SORBS2: variants seen among roughly 807,000 people sequenced by gnomAD.
The protein encoded by SORBS2 is sorbin and SH3 domain containing 2.
In SORBS2, 46 loss-of-function variants were observed where a neutral mutation model predicts 97.7. That is an observed-to-expected ratio of 0.47 (90% CI 0.37 to 0.60). The LOEUF is 0.60. SORBS2 is among the 20% of genes least tolerant of loss of function. SORBS2 has a pLI of 0.00. For synonymous variants in SORBS2, 476 were observed against 473.4 expected, an observed-to-expected ratio of 1.01 and a Z score of -0.07; for missense variants, 1,316 against 1,282.3, an observed-to-expected ratio of 1.03 and a Z score of -0.40.
intron 9 of SORBS2, among the ~76,000 whole-genome samples, chr4:185,617,569 T>C (rs750142497): frequency 2.4e-4 from 36 of 152,290 alleles, no homozygotes; most frequent in Non-Finnish European, 4.6e-4. Flanking sequence ...AATAATTTAA[T>C]GACAATTTAC....
chr4:185,623,936 C>T lies in SORBS2; in HGVS notation c.1193G>A (p.Ser398Asn), dbSNP rs764992829. The stretch of plus-strand genomic sequence containing the variant: ...GGGCACCTCCTCCGTGGAGCACTGG[C>T]TCCAGGCGCGCAGCAGGTCCTTGTG... The change falls in exon 7 of 15, where the codon AGC becomes AAC. Residue 398 changes from serine (S) to asparagine (N), a missense_variant. By Grantham distance (46) the Ser-to-Asn change is conservative (BLOSUM62 1). Transcript: ENST00000418609. The surrounding 1 kb of genome is among the most constrained non-coding windows in gnomAD (Gnocchi z 6.4). 1 of 1,614,234 alleles carries T rather than the reference C, an allele frequency of 6.2e-7. No homozygotes were observed.
intron 1 of SORBS2, among the ~76,000 whole-genome samples, chr4:185,885,486 T>G (rs2099238929): frequency 1.3e-5 from 2 of 152,198 alleles, no homozygotes; most frequent in African/African-American, 4.8e-5. Context: ...TCCATACACA[T>G]AGACTCCATT....
intron 1 of SORBS2, among the ~76,000 whole-genome samples, chr4:185,825,815 C>T (rs2153671740): frequency 6.6e-6 from 1 of 152,052 alleles, no homozygotes; most frequent in South Asian, 2.1e-4. Context: ...TTTTTGTTTC[C>T]AGATGTTCTT....
chr4:185,948,420 G>A (rs1015151576), intron 1 of SORBS2, among the ~76,000 whole-genome samples: 2 of 151,198 alleles, frequency 1.3e-5, no homozygotes, highest in African/African-American at 4.9e-5. Context: ...ATCCATTCAA[G>A]CTATGATAAT....
chr4:185,815,283 T>C (rs1423835108), intron 1 of SORBS2, among the ~76,000 whole-genome samples: 1 of 152,232 alleles, frequency 6.6e-6, no homozygotes, highest in Non-Finnish European at 1.5e-5. Flanking sequence ...TTGCCTGTTT[T>C]CTCTATTGAG....
At chr4:185,934,926 G>A (rs1053484632) in intron 1 of SORBS2, among the ~76,000 whole-genome samples, 8 of 152,114 alleles carry the variant, frequency 5.3e-5, no homozygotes, top group Non-Finnish European at 8.8e-5. Flanking sequence ...GAAGATGCTT[G>A]ATCATGGCTC....
intron 1 of SORBS2, among the ~76,000 whole-genome samples, chr4:185,831,543 C>T (rs1450605280): frequency 6.6e-6 from 1 of 152,078 alleles, no homozygotes; most frequent in Non-Finnish European, 1.5e-5. Context: ...TGGATAGGGC[C>T]CTGAGGGGTT....
chr4:185,689,672 G>T (rs2098052438), intron 2 of SORBS2, among the ~76,000 whole-genome samples: 1 of 152,150 alleles, frequency 6.6e-6, no homozygotes, highest in South Asian at 2.1e-4. Flanking sequence ...TGGGGATTAG[G>T]TATTGGTCCT....
intron 1 of SORBS2, among the ~76,000 whole-genome samples, chr4:185,926,478 TA>T (rs1456919947): frequency 6.6e-6 from 1 of 151,716 alleles, no homozygotes; most frequent in African/African-American, 2.4e-5. Flanking sequence ...CACTCATATA[TA>T]AATGATGGGA....
At chr4:185,930,590 T>G (rs1397967085) in intron 1 of SORBS2, among the ~76,000 whole-genome samples, 3 of 152,114 alleles carry the variant, frequency 2.0e-5, no homozygotes. Context: ...GAGCCACTGC[T>G]CCCGGCCCTG....
intron 1 of SORBS2, among the ~76,000 whole-genome samples, chr4:185,787,285 C>G (rs1281891774): frequency 6.6e-6 from 1 of 152,116 alleles, no homozygotes; most frequent in Non-Finnish European, 1.5e-5. Context: ...CAAACAACAG[C>G]AATAATGAAT....
rs2096746595 is a variant in SORBS2 at position 185,623,203 on chromosome 4, G to C, written c.1926C>G (p.Ile642Met). ...TCTTTTCAGCTTTAATTTGGTCACAGATGTCTTTAAGGGCAGAGTCCAGAG... is the reference window on the plus strand; with the variant it reads ...TCTTTTCAGCTTTAATTTGGTCACACATGTCTTTAAGGGCAGAGTCCAGAG... The change falls in exon 7 of 15, where the codon ATC (isoleucine) becomes ATG (methionine). Residue 642 changes from isoleucine to methionine, a missense_variant. Coordinates refer to ENST00000418609, the Ensembl canonical transcript of SORBS2. This position sits in a 1 kb window ranked among gnomAD's most constrained non-coding sequence, Gnocchi z 6.4. 1 of 1,614,014 alleles carries C rather than the reference G, an allele frequency of 6.2e-7. No homozygotes were observed. Among genetic ancestry groups the C allele is most frequent in the African/African-American group, 1.3e-5 (1 of 74,900 alleles).
chr4:185,812,786 ATTACT>A (rs1313452825), intron 1 of SORBS2, among the ~76,000 whole-genome samples: 15 of 152,354 alleles, frequency 9.8e-5, no homozygotes, highest in East Asian at 1.9e-4. Context: ...AACTTATCTG[ATTACT>A]TTAAGATGCT....
chr4:185,759,816 C>A (rs1392032342), intron 2 of SORBS2, among the ~76,000 whole-genome samples: 2 of 152,086 alleles, frequency 1.3e-5, no homozygotes, highest in African/African-American at 4.8e-5. Flanking sequence ...GTTAGTTGCT[C>A]TCATGGTCTT....
chr4:185,663,990 G>T (rs900880839), intron 4 of SORBS2, among the ~76,000 whole-genome samples: 7 of 151,546 alleles, frequency 4.6e-5, no homozygotes, highest in Non-Finnish European at 7.4e-5. Flanking sequence ...GAGTAGTTGG[G>T]ACTACAGGCG....
chr4:185,814,878 C>G (rs962584981), intron 1 of SORBS2, among the ~76,000 whole-genome samples: 2 of 152,272 alleles, frequency 1.3e-5, no homozygotes, highest in African/African-American at 4.8e-5. Context: ...ACTTGGTGCA[C>G]TGAGGCCCAT....
chr4:185,923,050 T>G (rs1162091560), intron 1 of SORBS2, among the ~76,000 whole-genome samples: 14 of 152,156 alleles, frequency 9.2e-5, no homozygotes, highest in Non-Finnish European at 1.9e-4. Flanking sequence ...CTCTGTAGAA[T>G]GGGAAGAATA....
chr4:185,947,701 C>T (rs1397230575), intron 1 of SORBS2, among the ~76,000 whole-genome samples: 1 of 152,152 alleles, frequency 6.6e-6, no homozygotes, highest in East Asian at 1.9e-4. Flanking sequence ...ACCTCCGCCT[C>T]CTGGGCTCAA....
chr4:185,935,766 C>A (rs188443809), intron 1 of SORBS2, among the ~76,000 whole-genome samples: 82 of 152,068 alleles, frequency 5.4e-4, no homozygotes, highest in African/African-American at 1.9e-3. Context: ...CAATCAGAGC[C>A]GTAGTTGGTA....
Sources: gnomAD v4.1 joint callset for allele counts (sites outside exome capture counted in the v4.1 genomes callset) on GRCh38, gnomAD v4.1.1 for gene constraint, Gnocchi (gnomAD v3.1) non-coding constraint, MANE v1.5 for transcripts, NCBI Gene and HGNC (gene_info 2026-07-23, HGNC 2026-07-21) for gene names.